Variants in PLXND1 observed in about 807,000 individuals in gnomAD.
The protein encoded by PLXND1 is plexin D1, also known as plexin-D1.
Under a neutral mutation model 197.7 loss-of-function variants are expected in PLXND1, and 54 were observed. The ratio of observed to expected loss-of-function variants is 0.27; its 90% confidence interval spans 0.22 to 0.34. The LOEUF (loss-of-function observed/expected upper bound fraction) is 0.34, where lower values mean the gene tolerates loss of function less well. Among genes scored for constraint, PLXND1 ranks in the 10% least tolerant of loss-of-function variants. The pLI is 1.00. For synonymous variants in PLXND1, 1,180 were observed against 1,161.2 expected (o/e 1.02, Z -0.33); for missense variants, 2,127 against 2,699.2 (o/e 0.79, Z 4.70).
intron 32 of PLXND1, 78 bp downstream of exon 32, chr3:129,559,542 A>G: frequency 8.3e-7 from 1 of 1,205,470 alleles, no homozygotes; most frequent in Non-Finnish European, 1.2e-6. Flanking sequence ...AGGCGAGGCC[A>G]GAAGACTAGA....
chr3:129,559,665 C>T lies in PLXND1; in HGVS notation c.5252G>A (p.Arg1751Lys). The T allele has an allele frequency of 6.2e-7, 1 of 1,612,372 alleles. No individual in the cohort carries two copies. Among genetic ancestry groups the T allele is most frequent in the Non-Finnish European group, 8.5e-7 (1 of 1,179,208 alleles). The change falls in exon 32 of 36, where the codon AGG becomes AAG. Residue 1751 changes from arginine (R) to lysine (K), a missense_variant. Transcript: ENST00000324093. Reference protein sequence around the residue: ...FDFLEEQAEKRGISDPDTLHI... With the variant: ...FDFLEEQAEKKGISDPDTLHI... ...TAGGGTGTCGGGGTCGGAGATTCCC[C>T]TCTTCTCAGCCTGCTCCTCCAGGAA...
In PLXND1 at chr3:129,570,863, G is replaced by T. The variant is rs1374937089; in HGVS notation, c.3673C>A (p.Gln1225Lys). ...VKIGQVSCDI[Q>K]IVSDRIIHCS... Reference sequence around the variant, plus strand: ...TGGATGATTCTGTCAGAGACAATCTGGATGTCGCAGCTTACTTGGCCTATC... The same window carrying T: ...TGGATGATTCTGTCAGAGACAATCTTGATGTCGCAGCTTACTTGGCCTATC... The change falls in exon 19 of 36, where the codon CAG becomes AAG. Residue 1225 changes from glutamine to lysine, a missense_variant. By Grantham distance (53) the Gln-to-Lys change is moderately conservative. Around this residue, in one of 6 missense-constraint regions of PLXND1, gnomAD observed 532 missense variants for 811.0 expected, o/e 0.66. Transcript: ENST00000324093. 6.2e-7 allele frequency: 1 copy of T among 1,614,146 alleles called. No homozygotes were observed. The highest frequency in any genetic ancestry group is 1.6e-4 in the Middle Eastern group (1 of 6,062).
At position 129,596,703 on chromosome 3, in the gene PLXND1, G is replaced by C. The variant is rs577187494; in HGVS notation, c.1312-7176C>G. 8.5e-5 allele frequency among the ~76,000 whole-genome samples: 13 copies of C among 152,278 alleles called. No homozygotes were observed. The South Asian group carries it at 2.3e-3, about 27-fold the overall frequency. ...GGCAGTTCCCTCCTGGGGCTGGGGGGACTTGGAGGTTCGATCTCACACCCT... is the reference window on the plus strand; with the variant it reads ...GGCAGTTCCCTCCTGGGGCTGGGGGCACTTGGAGGTTCGATCTCACACCCT... On this transcript the variant is annotated intron_variant, in intron 1 of 35. Transcript: ENST00000324093.
At position 129,557,228 on chromosome 3, in the gene PLXND1, G is replaced by A; in HGVS notation, c.5446-5C>T. On this transcript the variant is annotated splice_region_variant and splice_polypyrimidine_tract_variant and intron_variant, in intron 33 of 35. Coordinates refer to ENST00000324093, the MANE Select transcript of PLXND1 (RefSeq NM_015103.3). The surrounding 1 kb of genome is among the most constrained non-coding windows in gnomAD (Gnocchi z 4.8). ...GAGCTTGTTGGTTGGCGAATCCTGGGCAGAGAAGAGCGAGGGTGTTAGATG... is the reference window on the plus strand; with the variant it reads ...GAGCTTGTTGGTTGGCGAATCCTGGACAGAGAAGAGCGAGGGTGTTAGATG... 1.2e-6 allele frequency: 2 copies of A among 1,614,014 alleles called. No individual in the cohort carries two copies. Among genetic ancestry groups the A allele is most frequent in the Non-Finnish European group, 1.7e-6 (2 of 1,179,962 alleles).
chr3:129,567,540 G>T lies in PLXND1; in HGVS notation c.4038C>A (p.Ile1346=). 1 of 1,611,844 alleles carries T rather than the reference G, an allele frequency of 6.2e-7. No homozygotes were observed. Among genetic ancestry groups the T allele is most frequent in the Non-Finnish European group, 8.5e-7 (1 of 1,178,692 alleles). Residue 1346 remains isoleucine, a synonymous_variant, in exon 22 of 36, where the codon ATC becomes ATA. Coordinates refer to ENST00000324093, the MANE Select transcript of PLXND1 (RefSeq NM_015103.3). ...LTKELNRSQG[I]PFLEYKHFVT... ...CGAAGTGCTTATACTCCAGGAAGGGGATGCCCTGGCTGCGGTTCAGCTCCT... is the reference window on the plus strand; with the variant it reads ...CGAAGTGCTTATACTCCAGGAAGGGTATGCCCTGGCTGCGGTTCAGCTCCT...
chr3:129,605,550 C>T lies in PLXND1; in HGVS notation c.1090G>A (p.Ala364Thr), dbSNP rs1486458440. ...LYSRLVSVFP[A>T]RERLFAVFER... ...AAGACAGCAAAGAGCCGCTCCCGGG[C>T]TGGGAAGACCGACACCAGGCGGCTG... Residue 364 changes from alanine to threonine, a missense_variant, in exon 1 of 36, where the codon GCC becomes ACC. This residue lies in a region of PLXND1 where 1,095 missense variants were observed against 1,259.8 expected (regional missense o/e 0.87). Transcript: ENST00000324093. 1.5e-5 allele frequency: 23 copies of T among 1,530,228 alleles called. No individual in the cohort carries two copies. Among genetic ancestry groups the T allele is most frequent in the Non-Finnish European group, 2.0e-5 (23 of 1,143,206 alleles). 94.8% of individuals were successfully genotyped at this position (1,530,228 alleles called of 1,614,324 possible).
In PLXND1 at chr3:129,558,396, A is replaced by G. The variant is rs766572190; in HGVS notation, c.5445+32T>C. The G allele has an allele frequency of 1.2e-5, 19 of 1,602,226 alleles. No homozygotes were observed. The South Asian group carries it at 2.0e-4, about 17-fold the overall frequency. ...TCGGCACCCCACTCTGGCCCTGTGC[A>G]TGGGCCTGGCCTGGTCCTGGGAACA... is the stretch of plus-strand genomic sequence containing the variant. On this transcript the variant is annotated intron_variant, in intron 33 of 35. Coordinates refer to ENST00000324093, the MANE Select transcript of PLXND1 (RefSeq NM_015103.3). The surrounding 1 kb of genome is among the most constrained non-coding windows in gnomAD (Gnocchi z 4.1).
intron 8 of PLXND1, among the ~76,000 whole-genome samples, chr3:129,581,892 T>G (rs957322318): frequency 1.3e-5 from 2 of 152,234 alleles, no homozygotes; most frequent in African/African-American, 2.4e-5. Context: ...CTGCCCAGTG[T>G]GATGCTTCCC....
rs575029345 is a variant in PLXND1 at position 129,581,835 on chromosome 3, C to T, written c.2241+1732G>A. 3.3e-5 allele frequency among the ~76,000 whole-genome samples: 5 copies of T among 152,376 alleles called. No homozygotes were observed. The East Asian group carries it at 9.6e-4, about 29-fold the overall frequency. On this transcript the variant is annotated intron_variant, in intron 8 of 35. Transcript: ENST00000324093. ...AAATGCTGAACGGACTGTGACGAGGCTGGGTCCTCCTCGCATCCCCTAGGT... is the reference window on the plus strand; with the variant it reads ...AAATGCTGAACGGACTGTGACGAGGTTGGGTCCTCCTCGCATCCCCTAGGT...
chr3:129,567,447 G>A, intron 22 of PLXND1, 45 bp downstream of exon 22: 3 of 1,162,172 alleles, frequency 2.6e-6, no homozygotes, highest in Non-Finnish European at 3.8e-6. Context: ...GAGTTGCCTT[G>A]AGGTGGCTGG....
chr3:129,559,628 C>T lies in PLXND1; in HGVS notation c.5289G>A (p.Lys1763=), dbSNP rs372748751. The change falls in exon 32 of 36, where the codon AAG becomes AAA. Residue 1763 remains lysine, a synonymous_variant. Coordinates refer to ENST00000324093, the MANE Select transcript of PLXND1 (RefSeq NM_015103.3). ...ISDPDTLHIW[K]TNSLPLRFWV... Reference sequence around the variant, plus strand: ...GCCCCCCCACCCGCCACCTGTTGGTCTTCCAGATGTGTAGGGTGTCGGGGT... The same window carrying T: ...GCCCCCCCACCCGCCACCTGTTGGTTTTCCAGATGTGTAGGGTGTCGGGGT... 4.5e-5 allele frequency: 72 copies of T among 1,602,110 alleles called. No homozygotes were observed. Among genetic ancestry groups the T allele is most frequent in the Non-Finnish European group, 6.0e-5 (71 of 1,173,894 alleles).
At chr3:129,600,020 A>T (rs528765964) in intron 1 of PLXND1, among the ~76,000 whole-genome samples, 86 of 152,344 alleles carry the variant, frequency 5.6e-4, no homozygotes, top group African/African-American at 1.9e-3. Flanking sequence ...GTAGGTGCTT[A>T]TAAAAGGCCT....
chr3:129,584,092 A>C, intron 7 of PLXND1, 33 bp downstream of exon 7: 1 of 1,427,090 alleles, frequency 7.0e-7, no homozygotes, highest in Non-Finnish European at 9.7e-7. Flanking sequence ...TCCTCCCTCC[A>C]CCAACTGGAG....
chr3:129,595,921 G>GCACACACA (rs57098603), intron 1 of PLXND1, among the ~76,000 whole-genome samples: 63,396 of 146,268 alleles, frequency 0.43, 14,216 homozygotes, highest in Non-Finnish European at 0.5. Context: ...GTGCACGCAC[G>GCACACACA]CACACACACA....
chr3:129,565,015 A>C (rs569270753), intron 25 of PLXND1, among the ~76,000 whole-genome samples: 1 of 152,344 alleles, frequency 6.6e-6, no homozygotes, highest in South Asian at 2.1e-4. Context: ...AGGGCCAGCC[A>C]GGGGCTGATT....
Position 129,557,525 on chromosome 3 carries a change from C to A in PLXND1, c.5446-302G>T, listed in dbSNP as rs1027396671. Among the ~76,000 whole-genome samples, 1 of 152,108 alleles carries A rather than the reference C, an allele frequency of 6.6e-6. No homozygotes were observed. The highest frequency in any genetic ancestry group is 1.5e-5 in the Non-Finnish European group (1 of 68,032). ...ACGGGCATGCCAGCTCTTCACTGCA[C>A]GCAGCCCATTCCACGTAACAAGGAT... On this transcript the variant is annotated intron_variant, in intron 33 of 35. Transcript: ENST00000324093. This position sits in a 1 kb window ranked among gnomAD's most constrained non-coding sequence, Gnocchi z 4.8.
intron 7 of PLXND1, among the ~76,000 whole-genome samples, 162 bp from the exon 8 acceptor site, chr3:129,583,831 G>A (rs749625263): frequency 2.6e-4 from 40 of 152,366 alleles, no homozygotes; most frequent in African/African-American, 9.1e-4. Flanking sequence ...TGAGCTGCCT[G>A]CTAACAAGAG....
At position 129,556,133 on chromosome 3, in the gene PLXND1, C is replaced by T; in HGVS notation, c.*179G>A. 1.7e-6 allele frequency: 1 copy of T among 599,114 alleles called. No homozygotes were observed. The highest frequency in any genetic ancestry group is 2.8e-5 in the East Asian group (1 of 35,678). 37.1% of individuals were successfully genotyped at this position (599,114 alleles called of 1,614,324 possible). A position where few individuals can be genotyped will look rare whatever the true frequency, so the allele number is the denominator to read the frequency against. ...GACAGGTGGGAGGGGATGGAGGTGC[C>T]CAGGGGTCAAGGCGGGGGCGCCCCT... On this transcript the variant is annotated 3_prime_UTR_variant, in exon 36 of 36. Coordinates refer to ENST00000324093, the MANE Select transcript of PLXND1 (RefSeq NM_015103.3).
In PLXND1 at chr3:129,570,891, G is replaced by A. The variant is rs779886840; in HGVS notation, c.3645C>T (p.Val1215=). 3.7e-6 allele frequency: 6 copies of A among 1,614,176 alleles called. No individual in the cohort carries two copies. In the East Asian group the frequency reaches 1.3e-4, roughly 36 times the overall value. ...SLGLQSHEYR[V]KIGQVSCDIQ... ...TGTCGCAGCTTACTTGGCCTATCTT[G>A]ACCCGGTACTCGTGACTCTGGAGCC... is the stretch of plus-strand genomic sequence containing the variant. The change falls in exon 19 of 36, where the codon GTC becomes GTT. Residue 1215 remains valine, a synonymous_variant. Transcript: ENST00000324093.
Sources: allele counts gnomAD v4.1 joint callset (sites outside exome capture counted in the v4.1 genomes callset), GRCh38; gene constraint gnomAD v4.1.1; regional missense constraint gnomAD v4.1.1; non-coding constraint Gnocchi (gnomAD v3.1); transcripts MANE v1.5; gene names NCBI Gene and HGNC (gene_info 2026-07-23, HGNC 2026-07-21).